Variants in NOL10 observed in about 807,000 individuals in gnomAD.
NOL10 encodes H_NH0074G24.1.
NOL10 carries 58 observed loss-of-function variants against 103.5 expected under a neutral mutation model. The observed-to-expected ratio is 0.56, with a 90% CI of 0.45 to 0.70. The LOEUF is 0.70. NOL10 is among the 30% of genes least tolerant of loss of function. The probability of loss-of-function intolerance (pLI) is 0.00; values close to 1 mark genes in which losing one functional copy is unlikely to be tolerated. For synonymous variants in NOL10, 287 were observed against 282.5 expected (o/e 1.02, Z -0.16); for missense variants, 763 against 807.3 (o/e 0.95, Z 0.67).
In NOL10 at chr2:10,651,528, T is replaced by C. The variant is rs1393167352; in HGVS notation, c.973+2953A>G. Among the ~76,000 whole-genome samples, 4 of 151,622 alleles carry C rather than the reference T, an allele frequency of 2.6e-5. No homozygotes were observed. The East Asian group carries it at 7.7e-4, about 29-fold the overall frequency. On this transcript the variant is annotated intron_variant, in intron 12 of 20. Coordinates refer to ENST00000381685, the MANE Select transcript of NOL10 (RefSeq NM_024894.4). ...ATTATTAATGATCTATTTTACATCCTTTTTTCGTAGAATGTCTTTTAAATC... is the reference window on the plus strand; with the variant it reads ...ATTATTAATGATCTATTTTACATCCCTTTTTCGTAGAATGTCTTTTAAATC...
At chr2:10,621,168 A>G (rs1677122408) in intron 13 of NOL10, among the ~76,000 whole-genome samples, 1 of 152,220 alleles carries the variant, frequency 6.6e-6, no homozygotes, top group Non-Finnish European at 1.5e-5. Flanking sequence ...ACCTGCAAAA[A>G]GAATATGAAG....
At chr2:10,663,661 A>G (rs1161898541) in intron 8 of NOL10, among the ~76,000 whole-genome samples, 4 of 151,998 alleles carry the variant, frequency 2.6e-5, no homozygotes, top group African/African-American at 7.2e-5. Flanking sequence ...AATGAAAAGA[A>G]GAATCCCGGC....
intron 19 of NOL10, among the ~76,000 whole-genome samples, chr2:10,585,312 T>C (rs1445882891): frequency 6.6e-6 from 1 of 152,088 alleles, no homozygotes; most frequent in Non-Finnish European, 1.5e-5. Flanking sequence ...ACATAACAGC[T>C]GTATAAAAAG....
Position 10,657,049 on chromosome 2 carries a change from T to G in NOL10, c.906+693A>C, listed in dbSNP as rs530901652. On this transcript the variant is annotated intron_variant, in intron 11 of 20. Transcript: ENST00000381685. ...ATATAGCTTTTAAGGCCAGGTGAGGTGGCTCACGCCTGTAATCCCAGCACT... is the reference window on the plus strand; with the variant it reads ...ATATAGCTTTTAAGGCCAGGTGAGGGGGCTCACGCCTGTAATCCCAGCACT... Among the ~76,000 whole-genome samples, 167 of 152,294 alleles carry G rather than the reference T, an allele frequency of 1.1e-3. 1 individual carries two copies. The highest frequency in any genetic ancestry group is 3.9e-3 in the African/African-American group (163 of 41,548).
At chr2:10,622,894 G>T (rs1489683788) in intron 13 of NOL10, among the ~76,000 whole-genome samples, 3 of 151,990 alleles carry the variant, frequency 2.0e-5, no homozygotes, top group Non-Finnish European at 4.4e-5. Context: ...ACTGAATTTA[G>T]TATCTATTCC....
chr2:10,635,692 G>A (rs940909077), intron 13 of NOL10, among the ~76,000 whole-genome samples: 33 of 152,278 alleles, frequency 2.2e-4, no homozygotes, highest in African/African-American at 6.7e-4. Context: ...AAGCTCACAA[G>A]GGCGGTGAGT....
intron 11 of NOL10, among the ~76,000 whole-genome samples, chr2:10,657,245 G>A (rs1327934168): frequency 6.6e-6 from 1 of 152,040 alleles, no homozygotes; most frequent in African/African-American, 2.4e-5. Flanking sequence ...TTGAAACTGG[G>A]AGGCGGAGGT....
chr2:10,591,978 C>A (rs1331168370), intron 17 of NOL10, among the ~76,000 whole-genome samples: 1 of 149,326 alleles, frequency 6.7e-6, no homozygotes, highest in Non-Finnish European at 1.5e-5. Context: ...CTCCAGCCTG[C>A]GTAACAGAGA....
intron 12 of NOL10, among the ~76,000 whole-genome samples, chr2:10,652,175 G>A (rs186877545): frequency 8.6e-5 from 13 of 152,036 alleles, no homozygotes; most frequent in Admixed American, 1.3e-4. Flanking sequence ...GGGAGGGGGA[G>A]GTTGAAGTGA....
At chr2:10,625,933 G>C (rs530500695) in intron 13 of NOL10, among the ~76,000 whole-genome samples, 1 of 152,178 alleles carries the variant, frequency 6.6e-6, no homozygotes, top group African/African-American at 2.4e-5. Flanking sequence ...CAGTACTCTG[G>C]GAGGCCAAGA....
At chr2:10,591,270 A>C (rs1675374986) in intron 17 of NOL10, among the ~76,000 whole-genome samples, 1 of 152,180 alleles carries the variant, frequency 6.6e-6, no homozygotes, top group Non-Finnish European at 1.5e-5. Context: ...AAACACTGCA[A>C]ACACGTGCTA....
At chr2:10,577,113 T>C (rs916386497) in intron 20 of NOL10, among the ~76,000 whole-genome samples, 4 of 152,182 alleles carry the variant, frequency 2.6e-5, no homozygotes, top group Non-Finnish European at 5.9e-5. Context: ...ATAAATCAAT[T>C]TAGAATAGAA....
chr2:10,644,136 G>C (rs1288855383), intron 13 of NOL10, among the ~76,000 whole-genome samples, 184 bp downstream of exon 13: 1 of 152,126 alleles, frequency 6.6e-6, no homozygotes, highest in Non-Finnish European at 1.5e-5. Flanking sequence ...TGTAATCCCA[G>C]CTACAGGAGG....
At position 10,682,076 on chromosome 2, in the gene NOL10, A is replaced by G; in HGVS notation, c.113-7T>C. 1 of 1,399,394 alleles carries G rather than the reference A, an allele frequency of 7.1e-7. No homozygotes were observed. Among genetic ancestry groups the G allele is most frequent in the Non-Finnish European group, 9.6e-7 (1 of 1,044,638 alleles). The allele number at this position is 1,399,394 out of a possible 1,614,324, so 86.7% of individuals were successfully genotyped here. On this transcript the variant is annotated splice_region_variant and splice_polypyrimidine_tract_variant and intron_variant, in intron 2 of 20. Coordinates refer to ENST00000381685, the MANE Select transcript of NOL10 (RefSeq NM_024894.4). ...TCAATTCTCCTACGGACATCTAAAA[A>G]GAGAGAAAAAAACAACTAGTTTAAC...
At chr2:10,652,820 C>T (rs565763441) in intron 12 of NOL10, among the ~76,000 whole-genome samples, 6 of 151,588 alleles carry the variant, frequency 4.0e-5, no homozygotes, top group South Asian at 2.1e-4. Context: ...TTCTACTGGA[C>T]GCCAGACACG....
At chr2:10,595,582 T>C (rs990352544) in intron 17 of NOL10, among the ~76,000 whole-genome samples, 1 of 127,302 alleles carries the variant, frequency 7.9e-6, no homozygotes, top group Admixed American at 7.3e-5. Flanking sequence ...ACAGAAATGT[T>C]TTTTTGTTTT....
chr2:10,685,417 CG>C (rs1264681059), intron 1 of NOL10, among the ~76,000 whole-genome samples: 2 of 141,736 alleles, frequency 1.4e-5, no homozygotes, highest in Non-Finnish European at 3.0e-5. Context: ...CACTTGAACC[CG>C]GGAGGCGGAG....
At chr2:10,577,602 G>T (rs372970827) in intron 20 of NOL10, 34 bp downstream of exon 20, 2 of 1,470,956 alleles carry the variant, frequency 1.4e-6, no homozygotes, top group Admixed American at 1.9e-5. Flanking sequence ...TTTTTCTTTT[G>T]TGAATTAAAA....
At chr2:10,622,092 C>G (rs1424210988) in intron 13 of NOL10, 1 of 471,344 alleles carries the variant, frequency 2.1e-6, no homozygotes, top group East Asian at 6.9e-5. Context: ...TGTCCGTCAT[C>G]ACAGAAACGC....
Sources: allele counts gnomAD v4.1 joint callset (sites outside exome capture counted in the v4.1 genomes callset), GRCh38; gene constraint gnomAD v4.1.1; transcripts MANE v1.5; gene names NCBI Gene and HGNC (gene_info 2026-07-23, HGNC 2026-07-21).